NOL4L: variants seen among roughly 807,000 people sequenced by gnomAD.
The protein encoded by NOL4L is nucleolar protein 4 like.
NOL4L carries 7 observed loss-of-function variants against 64.5 expected under a neutral mutation model. The ratio of observed to expected loss-of-function variants is 0.11; its 90% confidence interval spans 0.06 to 0.20. NOL4L has a LOEUF of 0.20. Ranked by LOEUF, NOL4L falls within the 10% of genes least tolerant of loss-of-function variation. The pLI is 1.00. For synonymous variants in NOL4L, 413 were observed against 401.0 expected (o/e 1.03, Z -0.36); for missense variants, 680 against 967.1 (o/e 0.70, Z 3.94).
At chr20:32,546,186 C>T (rs1335534638) in intron 1 of NOL4L, among the ~76,000 whole-genome samples, 1 of 152,106 alleles carries the variant, frequency 6.6e-6, no homozygotes, top group Non-Finnish European at 1.5e-5. Context: ...GACCTCATGA[C>T]CTGCCGGCCT....
At chr20:32,484,732 G>C (rs1198807772) in intron 4 of NOL4L, among the ~76,000 whole-genome samples, 1 of 152,106 alleles carries the variant, frequency 6.6e-6, no homozygotes, top group African/African-American at 2.4e-5. Flanking sequence ...CCGTGGAGAC[G>C]GCACCGCCGG....
chr20:32,462,902 T>TGAAAAAAAAAAAAAAA, intron 5 of NOL4L, among the ~76,000 whole-genome samples: 2 of 39,430 alleles, frequency 5.1e-5, no homozygotes, highest in Non-Finnish European at 7.7e-5. Flanking sequence ...AGACTCTGTC[T>TGAAAAAAAAAAAAAAA]TAAAAAAAAA....
intron 5 of NOL4L, among the ~76,000 whole-genome samples, chr20:32,461,421 C>CTTT (rs869282447): frequency 8.6e-5 from 5 of 58,330 alleles, no homozygotes; most frequent in Admixed American, 3.9e-4. Context: ...CCTTTCTTTT[C>CTTT]TTTTTTTTTT....
chr20:32,448,205 C>T (rs2012498272), intron 10 of NOL4L, among the ~76,000 whole-genome samples: 1 of 152,188 alleles, frequency 6.6e-6, no homozygotes, highest in South Asian at 2.1e-4. Context: ...CCTAAAGGAG[C>T]AGCACCCATC....
At chr20:32,465,117 C>G (rs1480604742) in intron 5 of NOL4L, 1 of 528,546 alleles carries the variant, frequency 1.9e-6, no homozygotes. Context: ...GCGGTGGGGC[C>G]CTGGAGACAG....
intron 1 of NOL4L, among the ~76,000 whole-genome samples, chr20:32,579,539 C>T (rs1014052233): frequency 6.6e-6 from 1 of 152,050 alleles, no homozygotes. Context: ...ATGGGCCTTC[C>T]AGCCTCCCAG....
intron 1 of NOL4L, among the ~76,000 whole-genome samples, chr20:32,554,524 G>GT (rs933446695): frequency 2.6e-5 from 4 of 152,090 alleles, no homozygotes; most frequent in African/African-American, 9.7e-5. Context: ...ACAATGTTGT[G>GT]TGGGGGGAGG....
At chr20:32,538,378 AGTGGCGGCGGGTGTCTGGGGCAGGAG>A (rs2018588757) in intron 1 of NOL4L, among the ~76,000 whole-genome samples, 1 of 151,938 alleles carries the variant, frequency 6.6e-6, no homozygotes. Flanking sequence ...CTGTGTCCCC[AGTGGCGGCGGGTGTCTGGGGCAGGAG>A]GAGGCTATCT....
At chr20:32,485,756 A>C (rs1209717227) in intron 4 of NOL4L, 1 of 470,888 alleles carries the variant, frequency 2.1e-6, no homozygotes, top group Non-Finnish European at 4.4e-6. Flanking sequence ...GGAACTGTCC[A>C]TCCTCACTCT....
chr20:32,491,967 T>C (rs1434837983), intron 4 of NOL4L, among the ~76,000 whole-genome samples: 1 of 152,148 alleles, frequency 6.6e-6, no homozygotes, highest in Non-Finnish European at 1.5e-5. Flanking sequence ...AGAATTTAGC[T>C]GTGCATGATG....
intron 5 of NOL4L, chr20:32,465,179 G>A (rs1286832049): frequency 1.5e-5 from 7 of 464,364 alleles, no homozygotes; most frequent in Admixed American, 1.3e-4. Context: ...GTCAGGTCCC[G>A]AGTGTCAGGC....
At chr20:32,478,242 T>TACACACACACACACAC (rs553898145) in intron 4 of NOL4L, among the ~76,000 whole-genome samples, 182 of 145,144 alleles carry the variant, frequency 1.3e-3, no homozygotes, top group African/African-American at 4.4e-3. Flanking sequence ...AGGCTATATT[T>TACACACACACACACAC]ACACACACAC....
chr20:32,461,956 G>A (rs1023334297), intron 5 of NOL4L, among the ~76,000 whole-genome samples: 1 of 151,948 alleles, frequency 6.6e-6, no homozygotes, highest in Admixed American at 6.5e-5. Context: ...TCTGGTGGGG[G>A]CAACTGAGTC....
chr20:32,462,861 C>T (rs1270895030), intron 5 of NOL4L, among the ~76,000 whole-genome samples: 4 of 139,950 alleles, frequency 2.9e-5, no homozygotes, highest in South Asian at 2.2e-4. Context: ...GACAAGATCG[C>T]GCCATTGGAC....
intron 10 of NOL4L, among the ~76,000 whole-genome samples, chr20:32,448,691 C>T (rs998396112): frequency 6.6e-6 from 1 of 152,186 alleles, no homozygotes; most frequent in African/African-American, 2.4e-5. Flanking sequence ...AGAAACTGCC[C>T]GCCCTTTGTC....
At chr20:32,515,310 C>T (rs1228888496) in intron 3 of NOL4L, among the ~76,000 whole-genome samples, 2 of 152,142 alleles carry the variant, frequency 1.3e-5, no homozygotes, top group Admixed American at 6.5e-5. Context: ...GAACACCTTA[C>T]ATTGCTGTAA....
At chr20:32,547,194 A>T (rs2018744410) in intron 1 of NOL4L, among the ~76,000 whole-genome samples, 1 of 152,178 alleles carries the variant, frequency 6.6e-6, no homozygotes, top group South Asian at 2.1e-4. Context: ...TTTATGGGGG[A>T]GAAAACTGCG....
chr20:32,513,324 G>A (rs1004686117), intron 3 of NOL4L, among the ~76,000 whole-genome samples: 4 of 152,164 alleles, frequency 2.6e-5, no homozygotes, highest in African/African-American at 7.2e-5. Context: ...CCTTGAAAAC[G>A]CGATACCAAG....
intron 3 of NOL4L, among the ~76,000 whole-genome samples, chr20:32,514,578 A>G (rs555739661): frequency 6.6e-6 from 1 of 151,750 alleles, no homozygotes; most frequent in Admixed American, 6.6e-5. Flanking sequence ...TTTTTTTAAG[A>G]GAGACTTCTG....
Sources: gnomAD v4.1 joint callset for allele counts (sites outside exome capture counted in the v4.1 genomes callset) on GRCh38, gnomAD v4.1.1 for gene constraint, MANE v1.5 for transcripts, NCBI Gene and HGNC (gene_info 2026-07-23, HGNC 2026-07-21) for gene names.